ANK2: variants seen among roughly 807,000 people sequenced by gnomAD.
The protein encoded by ANK2 is ankyrin-2.
In ANK2, 83 loss-of-function variants were observed where a neutral mutation model predicts 360.5. The observed-to-expected ratio is 0.23, with a 90% CI of 0.19 to 0.28. The LOEUF (loss-of-function observed/expected upper bound fraction) is 0.28. ANK2 is among the 10% of genes least tolerant of loss of function. The probability of loss-of-function intolerance (pLI) is 1.00; values close to 1 mark genes in which losing one functional copy is unlikely to be tolerated. For missense variants in ANK2, 4,201 were observed against 4,795.7 expected, an observed-to-expected ratio of 0.88 and a Z score of 3.66; for synonymous variants, 1,740 against 1,759.5, an observed-to-expected ratio of 0.99 and a Z score of 0.28.
the ANK2 span, among the ~76,000 whole-genome samples, chr4:112,800,409 G>C: frequency 1.3e-5 from 2 of 152,174 alleles, no homozygotes; most frequent in African/African-American, 4.8e-5. Flanking sequence ...GTGTGTATGT[G>C]TGTGTGTATG....
the ANK2 span, among the ~76,000 whole-genome samples, chr4:112,743,554 CTTTT>C: frequency 2.8e-5 from 3 of 105,880 alleles, no homozygotes; most frequent in African/African-American, 7.4e-5. Flanking sequence ...CTTTTCTATC[CTTTT>C]TTTTTTTTTT....
rs574681165 is a variant in ANK2, at chr4:113,349,475, G to A, written c.4405-753G>A. ...TCAGTTCAGAAGATGCCCCGGATTC[G>A]TTTTTTTTCTGATACCTTGCAATGG... is the stretch of plus-strand genomic sequence containing the variant. On this transcript the variant is annotated intron_variant, in intron 36 of 45. Coordinates refer to ENST00000357077, the MANE Select transcript of ANK2 (RefSeq NM_001148.6). Among the ~76,000 whole-genome samples the A allele has an allele frequency of 2.2e-4, 34 of 151,738 alleles. No homozygotes were observed. The East Asian group carries it at 3.5e-3, about 16-fold the overall frequency.
intron 1 of ANK2, among the ~76,000 whole-genome samples, chr4:113,161,324 G>GT (rs540358118): frequency 9.9e-5 from 15 of 152,098 alleles, no homozygotes; most frequent in African/African-American, 3.1e-4. Flanking sequence ...TATAAGCTAA[G>GT]TTTTTTTTAA....
chr4:112,741,022 A>T, the ANK2 span, among the ~76,000 whole-genome samples: 5 of 150,298 alleles, frequency 3.3e-5, no homozygotes, highest in Non-Finnish European at 7.4e-5. Context: ...AGGAACAGAG[A>T]TCTCACTATG....
chr4:113,152,213 G>A (rs1302605694), intron 1 of ANK2: 1 of 150,988 alleles, frequency 6.6e-6, no homozygotes, highest in Non-Finnish European at 1.5e-5. Context: ...AATAACTTTT[G>A]AATAATATCT....
intron 2 of ANK2, among the ~76,000 whole-genome samples, chr4:112,965,166 A>G (rs1435648137): frequency 2.6e-5 from 4 of 152,120 alleles, no homozygotes; most frequent in Non-Finnish European, 5.9e-5. Flanking sequence ...AGCGTTTGTC[A>G]TTGCCTCTCT....
chr4:112,864,782 T>C (rs547878650), intron 1 of ANK2, among the ~76,000 whole-genome samples: 202 of 150,856 alleles, frequency 1.3e-3, no homozygotes, highest in Non-Finnish European at 1.4e-3. Flanking sequence ...CCTGTAATAC[T>C]AGCACTTTGG....
chr4:112,789,816 T>G, the ANK2 span, among the ~76,000 whole-genome samples: 10 of 152,194 alleles, frequency 6.6e-5, no homozygotes, highest in Admixed American at 6.5e-4. Flanking sequence ...GGTGGAAGAC[T>G]TGAAGGCAAA....
intron 1 of ANK2, among the ~76,000 whole-genome samples, chr4:113,082,060 C>T (rs313973): frequency 0.61 from 92,080 of 152,020 alleles, 28,683 homozygotes; most frequent in African/African-American, 0.75. Context: ...CCGCCCGTCT[C>T]GGCCTCCCAG....
At chr4:112,779,977 C>A in the ANK2 span, among the ~76,000 whole-genome samples, 1 of 152,146 alleles carries the variant, frequency 6.6e-6, no homozygotes, top group Non-Finnish European at 1.5e-5. Context: ...AATCCTAGCA[C>A]TTTGGGAGGC....
intron 1 of ANK2, among the ~76,000 whole-genome samples, chr4:112,902,617 C>A (rs536303676): frequency 6.6e-6 from 1 of 152,258 alleles, no homozygotes; most frequent in East Asian, 1.9e-4. Flanking sequence ...GTTGTCCTTT[C>A]TGAATTTGTA....
chr4:112,734,248 T>A, the ANK2 span, among the ~76,000 whole-genome samples: 1 of 152,228 alleles, frequency 6.6e-6, no homozygotes, highest in Admixed American at 6.5e-5. Context: ...AGTCTCTCCT[T>A]AAGAGAACAA....
At chr4:113,156,682 G>C (rs1367381864) in intron 1 of ANK2, among the ~76,000 whole-genome samples, 2 of 151,878 alleles carry the variant, frequency 1.3e-5, no homozygotes, top group Non-Finnish European at 2.9e-5. Context: ...AAAAATTCTT[G>C]AAGAAAACAC....
intron 4 of ANK2, among the ~76,000 whole-genome samples, chr4:113,213,529 G>A (rs62313190): frequency 0.022 from 3,391 of 152,224 alleles, 54 homozygotes; most frequent in Middle Eastern, 0.037. Flanking sequence ...GGTCAGTGTA[G>A]TGTTCCCCTA....
At chr4:112,744,870 T>C in the ANK2 span, among the ~76,000 whole-genome samples, 1 of 152,248 alleles carries the variant, frequency 6.6e-6, no homozygotes, top group African/African-American at 2.4e-5. Context: ...TGGATTAACA[T>C]GTATGTCTTC....
chr4:113,288,579 T>G (rs1183045103), intron 20 of ANK2, 93 bp downstream of exon 20: 3 of 1,056,408 alleles, frequency 2.8e-6, no homozygotes, highest in South Asian at 2.7e-5. Context: ...AAGTGTATTT[T>G]TTTCTTCCTT....
At chr4:113,000,206 G>A (rs1038221796) in intron 2 of ANK2, among the ~76,000 whole-genome samples, 1 of 152,186 alleles carries the variant, frequency 6.6e-6, no homozygotes, top group Non-Finnish European at 1.5e-5. Context: ...TGGAAGATAA[G>A]GGTTATTTCA....
intron 10 of ANK2, 92 bp from the exon 11 acceptor site, chr4:113,255,643 G>C: frequency 7.5e-7 from 1 of 1,338,642 alleles, no homozygotes; most frequent in East Asian, 2.3e-5. Flanking sequence ...CACTAACTGT[G>C]TTAGAGATCA....
intron 2 of ANK2, among the ~76,000 whole-genome samples, chr4:113,007,724 GAATA>G (rs2053386342): frequency 6.6e-6 from 1 of 152,012 alleles, no homozygotes; most frequent in Non-Finnish European, 1.5e-5. Context: ...AAATAAAAGT[GAATA>G]AATAAGCCAT....
Sources: allele counts gnomAD v4.1 joint callset (sites outside exome capture counted in the v4.1 genomes callset), GRCh38; gene constraint gnomAD v4.1.1; transcripts MANE v1.5; gene names NCBI Gene and HGNC (gene_info 2026-07-23, HGNC 2026-07-21).